Variants in ROBO1 observed in about 807,000 individuals in gnomAD.
The protein encoded by ROBO1 is roundabout homolog 1.
In ROBO1, 149 loss-of-function variants were observed where a neutral mutation model predicts 195.9. The observed-to-expected ratio is 0.76, with a 90% CI of 0.67 to 0.87. ROBO1 has a LOEUF of 0.87. Among genes scored for constraint, ROBO1 ranks in the 40% least tolerant of loss-of-function variants. ROBO1 has a pLI of 0.00. For synonymous variants in ROBO1, 816 were observed against 733.2 expected, an observed-to-expected ratio of 1.11 and a Z score of -1.82; for missense variants, 1,933 against 2,068.3, an observed-to-expected ratio of 0.93 and a Z score of 1.27.
At chr3:79,194,356 C>G (rs2081592811) in intron 2 of ROBO1, among the ~76,000 whole-genome samples, 1 of 151,630 alleles carries the variant, frequency 6.6e-6, no homozygotes, top group Non-Finnish European at 1.5e-5. Flanking sequence ...ACGGAGATGT[C>G]ACGCAAAAAA....
At chr3:79,620,449 C>T (rs893763611) in intron 1 of ROBO1, among the ~76,000 whole-genome samples, 4 of 152,288 alleles carry the variant, frequency 2.6e-5, no homozygotes, top group East Asian at 1.9e-4. Context: ...GCCTCCATAA[C>T]TGTTGTGGGT....
rs1335443755 is a variant in ROBO1, at chr3:78,891,029, A to T, written c.499+47572T>A. ...CTTTCCTTTTTTATATTAAAACAGT[A>T]ATTTCCACCCTGAGAAATAAAGTTT... On this transcript the variant is annotated intron_variant, in intron 4 of 30. Coordinates refer to ENST00000464233, the MANE Select transcript of ROBO1 (RefSeq NM_002941.4). 3.9e-5 allele frequency among the ~76,000 whole-genome samples: 6 copies of T among 152,198 alleles called. No homozygotes were observed. The South Asian group carries it at 1.2e-3, about 31-fold the overall frequency.
intron 3 of ROBO1, among the ~76,000 whole-genome samples, chr3:79,087,078 C>A (rs774258975): frequency 4.9e-4 from 75 of 151,764 alleles, no homozygotes; most frequent in Non-Finnish European, 8.5e-4. Context: ...AATTAATATG[C>A]AATATTTTTA....
chr3:78,739,267 T>A (rs1047157154), intron 5 of ROBO1, among the ~76,000 whole-genome samples: 2 of 152,226 alleles, frequency 1.3e-5, no homozygotes, highest in African/African-American at 4.8e-5. Context: ...GTGTTGCTAA[T>A]GTGTTAGTTT....
intron 29 of ROBO1, 56 bp downstream of exon 29, chr3:78,606,677 T>C: frequency 5.8e-6 from 9 of 1,554,252 alleles, no homozygotes; most frequent in Non-Finnish European, 7.9e-6. Flanking sequence ...AGCCTAACTG[T>C]ATGCCTTGCA....
In ROBO1 at chr3:79,054,213, C is replaced by T. The variant is rs908582610; in HGVS notation, c.172+71243G>A. On this transcript the variant is annotated intron_variant, in intron 3 of 30. Transcript: ENST00000464233. ...TTATGCCCAATTAAACTTTGATGCT[C>T]TTACCACAGAACAAGTAACAAAGGT... 5.3e-5 allele frequency among the ~76,000 whole-genome samples: 8 copies of T among 152,200 alleles called. No individual in the cohort carries two copies. The East Asian group carries it at 7.8e-4, about 15-fold the overall frequency.
rs191313993 is a variant in ROBO1 at position 78,665,813 on chromosome 3, C to T, written c.1966+2070G>A. ...GTCACACAGCTAGTGGATTGAGGAG[C>T]TGAAATTTAAAAAAAAAAAGTCTTT... On this transcript the variant is annotated intron_variant, in intron 14 of 30. Transcript: ENST00000464233. Among the ~76,000 whole-genome samples, 4 of 151,950 alleles carry T rather than the reference C, an allele frequency of 2.6e-5. No individual in the cohort carries two copies. The East Asian group carries it at 7.7e-4, about 29-fold the overall frequency.
chr3:79,251,240 A>G (rs2082723363), intron 2 of ROBO1, among the ~76,000 whole-genome samples: 1 of 152,194 alleles, frequency 6.6e-6, no homozygotes, highest in Admixed American at 6.5e-5. Context: ...AAAGCAACAC[A>G]TTATTATCTT....
At chr3:79,173,723 C>T (rs2081211316) in intron 2 of ROBO1, among the ~76,000 whole-genome samples, 1 of 152,170 alleles carries the variant, frequency 6.6e-6, no homozygotes, top group Non-Finnish European at 1.5e-5. Flanking sequence ...GGGTGCAGGA[C>T]CGGCAGGCAG....
At position 79,379,841 on chromosome 3, in the gene ROBO1, C is replaced by T. The variant is rs1012615862; in HGVS notation, c.88+209983G>A. ...ACATATAAAATATTGAGCCCCATTG[C>T]AGACACACTGAGACCAGAGCACCAG... On this transcript the variant is annotated intron_variant, in intron 2 of 30. Coordinates refer to ENST00000464233, the MANE Select transcript of ROBO1 (RefSeq NM_002941.4). Among the ~76,000 whole-genome samples the T allele has an allele frequency of 1.2e-4, 18 of 152,302 alleles. No homozygotes were observed. In the East Asian group the frequency reaches 2.3e-3, roughly 20 times the overall value.
At chr3:79,675,554 C>T (rs1576214492) in intron 1 of ROBO1, among the ~76,000 whole-genome samples, 1 of 151,892 alleles carries the variant, frequency 6.6e-6, no homozygotes. Context: ...TGACAGGTAG[C>T]TGGAGGGTAA....
chr3:79,417,255 G>C, intron 2 of ROBO1, among the ~76,000 whole-genome samples: 1 of 152,100 alleles, frequency 6.6e-6, no homozygotes, highest in Admixed American at 6.6e-5. Context: ...TCACCCTGGG[G>C]AAGCCAGCCA....
At chr3:79,526,237 A>G (rs911374497) in intron 2 of ROBO1, among the ~76,000 whole-genome samples, 1 of 152,220 alleles carries the variant, frequency 6.6e-6, no homozygotes, top group African/African-American at 2.4e-5. Context: ...TTGCTCGTAT[A>G]TGTGTTGCAG....
chr3:79,253,758 C>T (rs758268594), intron 2 of ROBO1, among the ~76,000 whole-genome samples: 7 of 152,182 alleles, frequency 4.6e-5, no homozygotes, highest in Non-Finnish European at 7.4e-5. Flanking sequence ...GAGAGAGTAG[C>T]GTGAGTATAT....
intron 4 of ROBO1, among the ~76,000 whole-genome samples, chr3:78,748,426 C>CAAATAAAT (rs55873579): frequency 3.4e-5 from 5 of 147,154 alleles, no homozygotes; most frequent in Middle Eastern, 3.4e-3. Flanking sequence ...GCCTCTGTCT[C>CAAATAAAT]AAATAAATAA....
rs541215915 is a variant in ROBO1 at position 79,741,392 on chromosome 3, CTT to C, written c.-51+26358_-51+26359del. Reference sequence around the variant, plus strand: ...ATATATATCTTTGTTTCAGATTTGACTTTTTTTTTTAGCTTTGATCCCAAACC... The same window carrying C: ...ATATATATCTTTGTTTCAGATTTGACTTTTTTTTAGCTTTGATCCCAAACC... On this transcript the variant is annotated intron_variant, in intron 1 of 30. Coordinates refer to ENST00000464233, the MANE Select transcript of ROBO1 (RefSeq NM_002941.4). Among the ~76,000 whole-genome samples, 589 of 148,420 alleles carry C rather than the reference CTT, an allele frequency of 4.0e-3. 3 individuals are homozygous for C. Among genetic ancestry groups the C allele is most frequent in the Non-Finnish European group, 7.2e-3 (483 of 66,790 alleles).
At chr3:79,597,290 A>T (rs1944205430) in intron 1 of ROBO1, among the ~76,000 whole-genome samples, 1 of 151,988 alleles carries the variant, frequency 6.6e-6, no homozygotes, top group African/African-American at 2.4e-5. Flanking sequence ...CTTGAAATTT[A>T]AAAAGCCAAA....
At chr3:79,715,754 G>T (rs1702457461) in intron 1 of ROBO1, among the ~76,000 whole-genome samples, 1 of 151,806 alleles carries the variant, frequency 6.6e-6, no homozygotes, top group Non-Finnish European at 1.5e-5. Context: ...ATTTTTCCTT[G>T]ATCATACTTT....
At chr3:78,961,048 G>T (rs1227268689) in intron 3 of ROBO1, among the ~76,000 whole-genome samples, 2 of 151,982 alleles carry the variant, frequency 1.3e-5, no homozygotes, top group Admixed American at 6.6e-5. Flanking sequence ...CTTCATAATA[G>T]TTTTGAACCA....
Sources: gnomAD v4.1 joint callset for allele counts (sites outside exome capture counted in the v4.1 genomes callset) on GRCh38, gnomAD v4.1.1 for gene constraint, MANE v1.5 for transcripts, NCBI Gene and HGNC (gene_info 2026-07-23, HGNC 2026-07-21) for gene names.